PCDHA6: variants seen among roughly 807,000 people sequenced by gnomAD.
PCDHA6 encodes the protein protocadherin alpha-6.
A neutral mutation model predicts 60.3 loss-of-function variants in PCDHA6; 55 were observed. The observed-to-expected ratio is 0.91, with a 90% CI of 0.73 to 1.14. PCDHA6 has a LOEUF of 1.14. PCDHA6 is among the 50% of genes most tolerant of loss of function. The pLI, the probability that PCDHA6 is intolerant of heterozygous loss-of-function variation, is 0.00. For synonymous variants in PCDHA6, 652 were observed against 557.9 expected (o/e 1.17, Z -2.38); for missense variants, 1,327 against 1,256.5 (o/e 1.06, Z -0.85).
At chr5:140,868,894 G>T in intron 1 of PCDHA6, 6 of 771,428 alleles carry the variant, frequency 7.8e-6, no homozygotes, top group Non-Finnish European at 1.2e-5. Flanking sequence ...TTAGGCGCAA[G>T]GTGTCGCTCT....
At chr5:140,929,321 C>A (rs1554206981) in intron 1 of PCDHA6, 1 of 1,541,174 alleles carries the variant, frequency 6.5e-7, no homozygotes, top group Non-Finnish European at 8.8e-7. Flanking sequence ...AATGTCAATG[C>A]CATGGTAAGC....
chr5:141,009,258 C>A (rs1311772308), intron 3 of PCDHA6, among the ~76,000 whole-genome samples: 1 of 152,086 alleles, frequency 6.6e-6, no homozygotes, highest in Admixed American at 6.6e-5. Flanking sequence ...TGTTTGAGAC[C>A]AGCCTGGGCA....
chr5:140,942,995 G>A (rs933167090), intron 1 of PCDHA6, among the ~76,000 whole-genome samples: 7 of 152,042 alleles, frequency 4.6e-5, no homozygotes, highest in African/African-American at 1.2e-4. Context: ...GGTGGCTCAT[G>A]CCTGTAATCC....
chr5:140,889,662 C>T (rs1397086074), intron 1 of PCDHA6, among the ~76,000 whole-genome samples: 1 of 151,946 alleles, frequency 6.6e-6, no homozygotes, highest in Admixed American at 6.6e-5. Context: ...GTCCTCTTCC[C>T]AGCCTTTTAT....
intron 1 of PCDHA6, among the ~76,000 whole-genome samples, chr5:140,872,949 C>T (rs547023229): frequency 2.0e-5 from 3 of 152,234 alleles, no homozygotes; most frequent in African/African-American, 2.4e-5. Context: ...TTTCTTTCCA[C>T]GTAGTATCAT....
intron 1 of PCDHA6, chr5:140,849,900 C>T: frequency 6.3e-7 from 1 of 1,598,532 alleles, no homozygotes; most frequent in East Asian, 2.2e-5. Flanking sequence ...GGAGAACAAC[C>T]CGCCGGGCTG....
intron 1 of PCDHA6, among the ~76,000 whole-genome samples, chr5:140,964,060 G>A (rs1187796756): frequency 6.6e-6 from 1 of 152,200 alleles, no homozygotes; most frequent in Non-Finnish European, 1.5e-5. Context: ...GTGTGGTCAA[G>A]GCATTAGTGT....
At chr5:140,836,649 CA>C (rs1774652282) in intron 1 of PCDHA6, 1 of 1,613,348 alleles carries the variant, frequency 6.2e-7, no homozygotes, top group African/African-American at 1.3e-5. Context: ...GCAGAGGCGG[CA>C]GAGGGTGTGC....
chr5:140,860,740 T>G (rs934240513), intron 1 of PCDHA6: 1 of 152,266 alleles, frequency 6.6e-6, no homozygotes, highest in Non-Finnish European at 1.5e-5. Context: ...TTTTGTTTTT[T>G]ATTTTTTATT....
intron 1 of PCDHA6, among the ~76,000 whole-genome samples, chr5:140,886,194 AAT>A (rs775586198): frequency 9.9e-5 from 15 of 152,172 alleles, no homozygotes; most frequent in Non-Finnish European, 1.9e-4. Context: ...GGCAAGCAGT[AAT>A]CTGTTCTCCA....
chr5:140,979,797 C>T (rs1253949980), intron 2 of PCDHA6, among the ~76,000 whole-genome samples: 1 of 152,154 alleles, frequency 6.6e-6, no homozygotes, highest in African/African-American at 2.4e-5. Flanking sequence ...AACAAATGAT[C>T]ACAACTATCA....
At chr5:140,904,143 T>C (rs1370565805) in intron 1 of PCDHA6, among the ~76,000 whole-genome samples, 1 of 152,136 alleles carries the variant, frequency 6.6e-6, no homozygotes, top group Non-Finnish European at 1.5e-5. Context: ...CCGAGCAGTA[T>C]ACATTGCACC....
rs782434045 is a variant in PCDHA6 at position 140,828,181 on chromosome 5, G to T, written c.90G>T (p.Gln30His). 6.2e-7 allele frequency: 1 copy of T among 1,614,176 alleles called. No individual in the cohort carries two copies. Among genetic ancestry groups the T allele is most frequent in the Admixed American group, 1.7e-5 (1 of 60,032 alleles). The change falls in exon 1 of 4, where the codon CAG (glutamine) becomes CAT (histidine). Residue 30 changes from glutamine to histidine, a missense_variant. Gln to His is a conservative substitution (Grantham distance 24). Coordinates refer to ENST00000529310, the MANE Select transcript of PCDHA6 (RefSeq NM_018909.4). ...LLAAWKVGSG[Q>H]LHYSVPEEAK... is the part of the protein sequence containing the mutation. The stretch of plus-strand genomic sequence containing the variant: ...CAGCCTGGAAGGTGGGGAGCGGCCA[G>T]CTCCACTACTCCGTACCCGAGGAGG...
intron 1 of PCDHA6, chr5:140,875,865 G>A (rs782211791): frequency 6.2e-7 from 1 of 1,614,160 alleles, no homozygotes; most frequent in Non-Finnish European, 8.5e-7. Context: ...ACAACCCGCC[G>A]GTGTTCAGAG....
intron 1 of PCDHA6, among the ~76,000 whole-genome samples, chr5:140,908,711 T>A (rs951399125): frequency 6.6e-6 from 1 of 152,144 alleles, no homozygotes; most frequent in African/African-American, 2.4e-5. Flanking sequence ...CACCATTGGA[T>A]CTGCTGGGTC....
At chr5:140,888,834 C>T (rs2061995964) in intron 1 of PCDHA6, among the ~76,000 whole-genome samples, 1 of 152,080 alleles carries the variant, frequency 6.6e-6, no homozygotes, top group Non-Finnish European at 1.5e-5. Context: ...CATCACTCCA[C>T]TGCAGCCTGG....
At position 140,858,049 on chromosome 5, in the gene PCDHA6, G is replaced by T. The variant is rs181372488; in HGVS notation, c.2394+27564G>T. 54 of 1,597,448 alleles carry T rather than the reference G, an allele frequency of 3.4e-5. 4 individuals carry two copies. Among genetic ancestry groups the T allele is most frequent in the Non-Finnish European group, 4.4e-5 (51 of 1,167,426 alleles). On this transcript the variant is annotated intron_variant, in intron 1 of 3. Coordinates refer to ENST00000529310, the MANE Select transcript of PCDHA6 (RefSeq NM_018909.4). ...CGGCCACGGCCACTGTGCTTGTGTC[G>T]CTTGTGGAGGGCAGCCAGGCACCCA... is the stretch of plus-strand genomic sequence containing the variant.
chr5:140,846,663 C>T lies in PCDHA6; in HGVS notation c.2394+16178C>T, dbSNP rs182609194. ...TGCTGGGATTACAGGCATGAGCCAC[C>T]GCGCCCAGCCTAAAATGCTTTCTTA... On this transcript the variant is annotated intron_variant, in intron 1 of 3. Transcript: ENST00000529310. 1.7e-3 allele frequency among the ~76,000 whole-genome samples: 253 copies of T among 149,206 alleles called. 23 individuals carry two copies. Among genetic ancestry groups the T allele is most frequent in the Middle Eastern group, 3.5e-3 (1 of 286 alleles).
intron 1 of PCDHA6, among the ~76,000 whole-genome samples, chr5:140,934,942 A>G (rs146210062): frequency 2.5e-3 from 376 of 152,312 alleles, no homozygotes; most frequent in African/African-American, 8.6e-3. Flanking sequence ...AAACTAGTAT[A>G]GAGAGATCCC....
Sources: gnomAD v4.1 joint callset for allele counts (sites outside exome capture counted in the v4.1 genomes callset) on GRCh38, gnomAD v4.1.1 for gene constraint, MANE v1.5 for transcripts, NCBI Gene and HGNC (gene_info 2026-07-23, HGNC 2026-07-21) for gene names.